Variants in ZNF609 observed in about 807,000 individuals in gnomAD.
ZNF609 encodes zinc finger protein 609.
A neutral mutation model predicts 109.5 loss-of-function variants in ZNF609; 11 were observed. That is an observed-to-expected ratio of 0.10 (90% confidence interval 0.06 to 0.17). The LOEUF is 0.17. ZNF609 is among the 10% of genes least tolerant of loss of function. The pLI is 1.00. For missense variants in ZNF609, 1,559 were observed against 1,772.4 expected, an observed-to-expected ratio of 0.88 and a Z score of 2.16; for synonymous variants, 646 against 662.0, an observed-to-expected ratio of 0.98 and a Z score of 0.37.
At chr15:64,469,212 G>A (rs1004735277) in intron 1 of ZNF609, among the ~76,000 whole-genome samples, 6 of 151,412 alleles carry the variant, frequency 4.0e-5, no homozygotes, top group South Asian at 2.1e-4. Flanking sequence ...GCAGTGAGCC[G>A]AGATCAAGCC....
intron 2 of ZNF609, chr15:64,528,830 A>G (rs761109536): frequency 2.0e-5 from 17 of 843,654 alleles, no homozygotes; most frequent in Non-Finnish European, 3.4e-5. Context: ...GTCGAAGGAG[A>G]CCATCTGGTG....
intron 1 of ZNF609, among the ~76,000 whole-genome samples, chr15:64,480,399 C>T (rs1041272883): frequency 2.6e-5 from 4 of 151,720 alleles, no homozygotes; most frequent in African/African-American, 7.3e-5. Context: ...GGCGTAGTGG[C>T]GGGTGCCTGT....
intron 2 of ZNF609, among the ~76,000 whole-genome samples, chr15:64,547,344 G>A (rs913827811): frequency 6.6e-6 from 1 of 152,006 alleles, no homozygotes; most frequent in African/African-American, 2.4e-5. Context: ...GGATTTTTTG[G>A]TTTTCTGGAT....
intron 1 of ZNF609, among the ~76,000 whole-genome samples, chr15:64,465,444 C>T (rs1012226267): frequency 3.9e-5 from 6 of 152,038 alleles, no homozygotes; most frequent in African/African-American, 9.7e-5. Flanking sequence ...TGTAATGGTG[C>T]GATCTCGGCT....
chr15:64,613,853 T>G (rs979746550), intron 2 of ZNF609, among the ~76,000 whole-genome samples: 1 of 151,238 alleles, frequency 6.6e-6, no homozygotes, highest in African/African-American at 2.4e-5. Flanking sequence ...TGGCCTAAAC[T>G]TGTTTATTGA....
intron 5 of ZNF609, among the ~76,000 whole-genome samples, chr15:64,677,695 G>C (rs1009987613): frequency 1.3e-5 from 2 of 152,160 alleles, no homozygotes; most frequent in Non-Finnish European, 2.9e-5. Context: ...TGGTATAATA[G>C]TTATGCTTCC....
intron 3 of ZNF609, among the ~76,000 whole-genome samples, chr15:64,653,337 A>G (rs28682313): frequency 0.11 from 17,181 of 152,014 alleles, 1,871 homozygotes; most frequent in African/African-American, 0.29. Context: ...TGTCCCCCTC[A>G]TTCTAGATTA....
chr15:64,504,714 C>G (rs1893609264), intron 2 of ZNF609, among the ~76,000 whole-genome samples: 1 of 151,242 alleles, frequency 6.6e-6, no homozygotes, highest in Admixed American at 6.6e-5. Context: ...TTCCTGACTT[C>G]AAGTGATCCA....
intron 1 of ZNF609, among the ~76,000 whole-genome samples, chr15:64,483,291 T>C (rs1008223007): frequency 3.9e-5 from 6 of 152,198 alleles, no homozygotes; most frequent in African/African-American, 1.2e-4. Flanking sequence ...GACGGGGTTC[T>C]CCATGTTGGT....
intron 2 of ZNF609, among the ~76,000 whole-genome samples, chr15:64,510,342 C>G (rs1893705939): frequency 6.6e-6 from 1 of 151,652 alleles, no homozygotes; most frequent in Admixed American, 6.6e-5. Context: ...GTAGCAGGGA[C>G]TGCAGGCATA....
At position 64,657,337 on chromosome 15, in the gene ZNF609, C is replaced by T. The variant is rs757542227; in HGVS notation, c.974-13009C>T. Among the ~76,000 whole-genome samples, 9 of 151,626 alleles carry T rather than the reference C, an allele frequency of 5.9e-5. No individual in the cohort carries two copies. The Middle Eastern group carries it at 0.01, about 174-fold the overall frequency. On this transcript the variant is annotated intron_variant, in intron 3 of 9. Coordinates refer to ENST00000326648, the MANE Select transcript of ZNF609 (RefSeq NM_015042.2). ...GTTGCATAAAAGCAGTGTTTGAGGC[C>T]GTGCATGGTGGCTCACACCTGTAAT...
At chr15:64,592,556 T>C (rs967009346) in intron 2 of ZNF609, among the ~76,000 whole-genome samples, 1 of 147,756 alleles carries the variant, frequency 6.8e-6, no homozygotes, top group Non-Finnish European at 1.5e-5. Flanking sequence ...CCAGCCTGCA[T>C]GACAGAGTGA....
Position 64,529,465 on chromosome 15 carries a change from A to G in ZNF609, c.747+29299A>G, listed in dbSNP as rs528001346. 3.6e-5 allele frequency: 37 copies of G among 1,019,362 alleles called. No homozygotes were observed. In the Middle Eastern group the frequency reaches 1.5e-3, roughly 43 times the overall value. The allele number at this position is 1,019,362 out of a possible 1,614,324, so 63.1% of individuals were successfully genotyped here. On this transcript the variant is annotated intron_variant, in intron 2 of 9. Transcript: ENST00000326648. Reference sequence around the variant, plus strand: ...AAAATGGGTGATGGGGTTTCCATTGATGACAAGCGTCCCGTTCTCAGCCTT... The same window carrying G: ...AAAATGGGTGATGGGGTTTCCATTGGTGACAAGCGTCCCGTTCTCAGCCTT...
At chr15:64,487,088 C>T (rs1566995868) in intron 1 of ZNF609, among the ~76,000 whole-genome samples, 1 of 152,046 alleles carries the variant, frequency 6.6e-6, no homozygotes, top group South Asian at 2.1e-4. Context: ...AACTTTTTCC[C>T]CCCAGGATTT....
At chr15:64,667,044 G>A (rs533680077) in intron 3 of ZNF609, among the ~76,000 whole-genome samples, 33 of 152,094 alleles carry the variant, frequency 2.2e-4, no homozygotes, top group African/African-American at 7.0e-4. Context: ...GCAGGAGAAT[G>A]GCGTGAACCC....
chr15:64,573,852 C>T (rs1894903793), intron 2 of ZNF609, among the ~76,000 whole-genome samples: 1 of 152,068 alleles, frequency 6.6e-6, no homozygotes, highest in South Asian at 2.1e-4. Context: ...CAAATCCAAA[C>T]ACAGTTGGAT....
chr15:64,533,214 C>G (rs1278328156), intron 2 of ZNF609, among the ~76,000 whole-genome samples: 1 of 151,990 alleles, frequency 6.6e-6, no homozygotes, highest in East Asian at 1.9e-4. Flanking sequence ...CCACGCCTGG[C>G]TAATGTTTGT....
intron 3 of ZNF609, among the ~76,000 whole-genome samples, chr15:64,653,871 A>C (rs1013000749): frequency 2.0e-5 from 3 of 152,168 alleles, no homozygotes; most frequent in Admixed American, 2.0e-4. Flanking sequence ...AAAGAGCTAT[A>C]AAAAATTGGT....
chr15:64,576,924 G>GTATATATACACATAAATATATATATA (rs1894965826), intron 2 of ZNF609, among the ~76,000 whole-genome samples: 1 of 106,984 alleles, frequency 9.3e-6, no homozygotes, highest in African/African-American at 3.3e-5. Context: ...ATACATATAT[G>GTATATATACACATAAATATATATATA]TGTATATATA....
Sources: gnomAD v4.1 joint callset for allele counts (sites outside exome capture counted in the v4.1 genomes callset) on GRCh38, gnomAD v4.1.1 for gene constraint, MANE v1.5 for transcripts, NCBI Gene and HGNC (gene_info 2026-07-23, HGNC 2026-07-21) for gene names.